BICRAL: variants seen among roughly 807,000 people sequenced by gnomAD.
The protein encoded by BICRAL is BRD4-interacting chromatin-remodeling complex-associated protein-like.
Under a neutral mutation model 91.8 loss-of-function variants are expected in BICRAL, and 8 were observed. That is an observed-to-expected ratio of 0.09 (90% CI 0.05 to 0.16). The LOEUF (loss-of-function observed/expected upper bound fraction) is 0.16. Among genes scored for constraint, BICRAL ranks in the 10% least tolerant of loss-of-function variants. BICRAL has a pLI of 1.00. For missense variants in BICRAL, 1,038 were observed against 1,310.9 expected, an observed-to-expected ratio of 0.79 and a Z score of 3.21; for synonymous variants, 445 against 491.1, an observed-to-expected ratio of 0.91 and a Z score of 1.24.
intron 1 of BICRAL, among the ~76,000 whole-genome samples, chr6:42,802,736 C>T (rs563154565): frequency 5.3e-5 from 8 of 152,116 alleles, no homozygotes; most frequent in East Asian, 1.9e-4. Flanking sequence ...CAGGAGCCAC[C>T]GTGCCTGGCC....
At chr6:42,843,960 G>T (rs1033128808) in intron 6 of BICRAL, among the ~76,000 whole-genome samples, 1 of 149,398 alleles carries the variant, frequency 6.7e-6, no homozygotes, top group African/African-American at 2.5e-5. Context: ...CACCATGCCG[G>T]CTAATTTTTT....
chr6:42,778,429 A>T (rs1762831770), upstream of BICRAL, among the ~76,000 whole-genome samples: 1 of 152,116 alleles, frequency 6.6e-6, no homozygotes, highest in Admixed American at 6.5e-5. Context: ...AGATAATTAA[A>T]CCTTATTCTT....
At chr6:42,751,854 T>A (rs971769163) in intron 1 of BICRAL, among the ~76,000 whole-genome samples, 104 of 151,838 alleles carry the variant, frequency 6.8e-4, no homozygotes, top group African/African-American at 2.5e-3. Flanking sequence ...ACGGGGTTTC[T>A]CCATGTTGGT....
At chr6:42,822,892 A>T in intron 4 of BICRAL, 43 bp from the exon 5 acceptor site, 1 of 1,527,308 alleles carries the variant, frequency 6.5e-7, no homozygotes, top group Non-Finnish European at 9.1e-7. Flanking sequence ...TTTCTGCTTT[A>T]CAGTTAAAGT....
intron 1 of BICRAL, among the ~76,000 whole-genome samples, chr6:42,771,437 A>G (rs560976941): frequency 8.0e-6 from 1 of 125,488 alleles, no homozygotes; most frequent in South Asian, 2.7e-4. Context: ...ATTGAGCTTC[A>G]GGCTGCGCAG....
chr6:42,791,035 G>A lies in BICRAL; in HGVS notation c.-102+8934G>A, dbSNP rs1763257811. Among the ~76,000 whole-genome samples the A allele has an allele frequency of 2.0e-5, 3 of 152,186 alleles. No individual in the cohort carries two copies. In the South Asian group the frequency reaches 6.2e-4, roughly 32 times the overall value. ...AGGGAGCTCAGGACTTGACTGTGCTGGGGGTGGCCTGCCCTTTTGTAGTGC... is the reference window on the plus strand; with the variant it reads ...AGGGAGCTCAGGACTTGACTGTGCTAGGGGTGGCCTGCCCTTTTGTAGTGC... On this transcript the variant is annotated intron_variant, in intron 1 of 12. Coordinates refer to ENST00000314073, the MANE Select transcript of BICRAL (RefSeq NM_001393499.1).
At chr6:42,848,119 A>G (rs1222301986) in intron 6 of BICRAL, among the ~76,000 whole-genome samples, 3 of 151,108 alleles carry the variant, frequency 2.0e-5, no homozygotes, top group Non-Finnish European at 2.9e-5. Flanking sequence ...ACAGAGTGAG[A>G]CTCTGTCTCA....
At chr6:42,815,185 C>CTTTTT (rs869106375) in intron 2 of BICRAL, among the ~76,000 whole-genome samples, 17 of 101,150 alleles carry the variant, frequency 1.7e-4, no homozygotes, top group South Asian at 3.5e-4. Flanking sequence ...GTCAGAATAT[C>CTTTTT]TTTTTTTTTT....
At chr6:42,784,770 T>G (rs541985860) in intron 1 of BICRAL, among the ~76,000 whole-genome samples, 1 of 152,334 alleles carries the variant, frequency 6.6e-6, no homozygotes, top group South Asian at 2.1e-4. Flanking sequence ...TAAATAGAGA[T>G]TTGTAACATC....
intron 6 of BICRAL, among the ~76,000 whole-genome samples, chr6:42,849,112 T>G (rs1330671786): frequency 6.6e-6 from 1 of 152,166 alleles, no homozygotes; most frequent in Non-Finnish European, 1.5e-5. Context: ...GTCCACCTCT[T>G]TAATAACCTT....
chr6:42,849,541 G>A (rs775913923), intron 6 of BICRAL, among the ~76,000 whole-genome samples: 39 of 150,114 alleles, frequency 2.6e-4, no homozygotes, highest in Non-Finnish European at 5.3e-4. Flanking sequence ...CCAGGTTCAC[G>A]CCATTCTCCT....
chr6:42,783,664 A>C (rs1343242691), intron 1 of BICRAL, among the ~76,000 whole-genome samples: 6 of 152,122 alleles, frequency 3.9e-5, no homozygotes, highest in Admixed American at 3.9e-4. Context: ...ACGCCCCCAG[A>C]CCCAAAAGAC....
At chr6:42,844,557 A>AGGGAG (rs71305781) in intron 6 of BICRAL, among the ~76,000 whole-genome samples, 1 of 80,414 alleles carries the variant, frequency 1.2e-5, no homozygotes, top group African/African-American at 3.8e-5. Flanking sequence ...AGGGTGTTGC[A>AGGGAG]GAAAGAAGAT....
chr6:42,763,833 AAAAC>A (rs1269505674), intron 1 of BICRAL, among the ~76,000 whole-genome samples: 4 of 151,708 alleles, frequency 2.6e-5, no homozygotes, highest in African/African-American at 7.3e-5. Context: ...AAAAAAACAA[AAAAC>A]AAACAAAAAA....
intron 10 of BICRAL, among the ~76,000 whole-genome samples, chr6:42,857,614 A>AAAAAAAATATATATATAT: frequency 6.2e-5 from 6 of 96,206 alleles, no homozygotes; most frequent in African/African-American, 3.3e-4. Context: ...AAAAAAAAAA[A>AAAAAAAATATATATATAT]ATATATATAT....
At chr6:42,764,621 G>A (rs1238946599) in intron 1 of BICRAL, among the ~76,000 whole-genome samples, 1 of 152,036 alleles carries the variant, frequency 6.6e-6, no homozygotes, top group Non-Finnish European at 1.5e-5. Context: ...CACGACTTGA[G>A]AGATAGGTTG....
intron 7 of BICRAL, chr6:42,852,529 G>A (rs1765220839): frequency 4.9e-6 from 2 of 408,004 alleles, no homozygotes; most frequent in South Asian, 1.8e-5. Flanking sequence ...AGGCATGGTG[G>A]CACACGCCCG....
In BICRAL at chr6:42,867,633, T is replaced by C. The variant is rs1345065439; in HGVS notation, c.*2187T>C. ...GTGGGCTGCTAGTGAGTTACATTAA[T>C]TACTGCAAATCAGTGGAATTCTCAA... On this transcript the variant is annotated 3_prime_UTR_variant, in exon 13 of 13. Transcript: ENST00000314073. 6.6e-6 allele frequency: 1 copy of C among 152,266 alleles called. No homozygotes were observed. Among genetic ancestry groups the C allele is most frequent in the Non-Finnish European group, 1.5e-5 (1 of 68,036 alleles). 9.4% of individuals were successfully genotyped at this position (152,266 alleles called of 1,614,324 possible).
intron 1 of BICRAL, among the ~76,000 whole-genome samples, chr6:42,764,999 T>TA (rs1192836232): frequency 3.3e-5 from 5 of 152,248 alleles, no homozygotes; most frequent in Admixed American, 3.3e-4. Flanking sequence ...GTTTTGTGAA[T>TA]AAATGATGCC....
Sources: allele counts gnomAD v4.1 joint callset (sites outside exome capture counted in the v4.1 genomes callset), GRCh38; gene constraint gnomAD v4.1.1; transcripts MANE v1.5; gene names NCBI Gene and HGNC (gene_info 2026-07-23, HGNC 2026-07-21).